Variants in ADAM29 observed in about 807,000 individuals in gnomAD.
ADAM29 encodes the protein disintegrin and metalloproteinase domain-containing protein 29.
For missense variants in ADAM29, 969 were observed against 1,001.8 expected, an observed-to-expected ratio of 0.97 and a Z score of 0.44; for synonymous variants, 367 against 342.3, an observed-to-expected ratio of 1.07 and a Z score of -0.80.
intron 4 of ADAM29, among the ~76,000 whole-genome samples, chr4:174,972,130 A>T (rs1746511059): frequency 1.3e-5 from 2 of 152,102 alleles, no homozygotes; most frequent in African/African-American, 4.8e-5. Flanking sequence ...TCTTTATATC[A>T]TATTTTGCAT....
At chr4:174,941,154 T>G (rs552664435) in intron 4 of ADAM29, among the ~76,000 whole-genome samples, 1 of 152,310 alleles carries the variant, frequency 6.6e-6, no homozygotes, top group African/African-American at 2.4e-5. Context: ...AATTTCAAAT[T>G]ATTTAATTTC....
chr4:174,919,435 C>T (rs969226999), intron 1 of ADAM29, among the ~76,000 whole-genome samples: 7 of 152,094 alleles, frequency 4.6e-5, no homozygotes, highest in Non-Finnish European at 8.8e-5. Flanking sequence ...TTTATCACAC[C>T]ACAGTTTCTG....
At chr4:174,945,125 T>A (rs540892940) in intron 4 of ADAM29, among the ~76,000 whole-genome samples, 17 of 152,186 alleles carry the variant, frequency 1.1e-4, no homozygotes, top group Non-Finnish European at 2.5e-4. Flanking sequence ...TAGACCTGTA[T>A]AAGCATTCCC....
At chr4:174,956,365 TATTC>T (rs1299325311) in intron 4 of ADAM29, among the ~76,000 whole-genome samples, 2 of 152,004 alleles carry the variant, frequency 1.3e-5, no homozygotes, top group East Asian at 3.9e-4. Context: ...TTTTAGTAAA[TATTC>T]ATTCAAAATT....
intron 4 of ADAM29, among the ~76,000 whole-genome samples, chr4:174,939,473 A>G (rs1160795496): frequency 6.6e-6 from 1 of 152,204 alleles, no homozygotes; most frequent in East Asian, 1.9e-4. Context: ...TTAATATTTC[A>G]AGTATAGATT....
Position 174,976,184 on chromosome 4 carries a change from A to C in ADAM29, c.659A>C (p.Lys220Thr). 6.2e-7 allele frequency: 1 copy of C among 1,610,060 alleles called. No individual in the cohort carries two copies. The highest frequency in any genetic ancestry group is 8.5e-7 in the Non-Finnish European group (1 of 1,178,876). The stretch of plus-strand genomic sequence containing the variant: ...ATTCGTTATGAAAGGAACGACTCAA[A>C]GTTGCTGGAGGATCTATATGTTATT... ...LYIRYERNDS[K>T]LLEDLYVIVN... Residue 220 changes from lysine (K) to threonine (T), a missense_variant, in exon 5 of 5, where the codon AAG (lysine) becomes ACG (threonine). Transcript: ENST00000359240.
At chr4:174,922,827 T>C (rs773065199) in intron 2 of ADAM29, among the ~76,000 whole-genome samples, 1 of 152,094 alleles carries the variant, frequency 6.6e-6, no homozygotes, top group African/African-American at 2.4e-5. Flanking sequence ...TCTTTTAATA[T>C]AATCTTTGAA....
intron 2 of ADAM29, among the ~76,000 whole-genome samples, chr4:174,923,560 T>TATATAG (rs70947473): frequency 0.048 from 5,572 of 115,574 alleles, 358 homozygotes; most frequent in East Asian, 0.091. Flanking sequence ...TATATATATA[T>TATATAG]ACACACACAC....
At chr4:174,947,884 A>C (rs140080345) in intron 4 of ADAM29, among the ~76,000 whole-genome samples, 299 of 152,274 alleles carry the variant, frequency 2.0e-3, no homozygotes, top group African/African-American at 7.0e-3. Flanking sequence ...AAGTCTCTTC[A>C]TATTTTTGTC....
At chr4:174,954,829 T>C (rs985369596) in intron 4 of ADAM29, among the ~76,000 whole-genome samples, 5 of 152,194 alleles carry the variant, frequency 3.3e-5, no homozygotes, top group African/African-American at 4.8e-5. Flanking sequence ...TTGGATTAAA[T>C]GTAATCATTT....
chr4:174,959,457 CTG>C (rs34184384), intron 4 of ADAM29, among the ~76,000 whole-genome samples: 8,137 of 145,410 alleles, frequency 0.056, 307 homozygotes, highest in African/African-American at 0.11. Flanking sequence ...ATGAGAAAGA[CTG>C]TGTGTGTGTG....
intron 4 of ADAM29, among the ~76,000 whole-genome samples, chr4:174,960,825 T>C (rs778019532): frequency 6.6e-6 from 1 of 152,198 alleles, no homozygotes; most frequent in Non-Finnish European, 1.5e-5. Context: ...GTGTAACTTA[T>C]ACTATGTGCA....
rs1198012062 is a variant in ADAM29, at chr4:174,975,776, C to T, written c.251C>T (p.Thr84Ile). 2 of 1,614,122 alleles carry T rather than the reference C, an allele frequency of 1.2e-6. No homozygotes were observed. Among genetic ancestry groups the T allele is most frequent in the Non-Finnish European group, 1.7e-6 (2 of 1,180,024 alleles). ...FSKHLPVFTY[T>I]DQGAILEDQP... ...AAACACCTCCCTGTGTTCACCTACA[C>T]AGACCAGGGTGCTATCCTTGAGGAC... The change falls in exon 5 of 5, where the codon ACA becomes ATA. Residue 84 changes from threonine to isoleucine, a missense_variant. Coordinates refer to ENST00000359240, the MANE Select transcript of ADAM29 (RefSeq NM_014269.4).
intron 4 of ADAM29, among the ~76,000 whole-genome samples, chr4:174,959,704 C>T (rs995939442): frequency 6.6e-6 from 1 of 151,756 alleles, no homozygotes; most frequent in African/African-American, 2.4e-5. Flanking sequence ...CTTTGTACTT[C>T]AATTGGTAAA....
In ADAM29 at chr4:174,956,494, CTG is replaced by C. The variant is rs147629496; in HGVS notation, c.-180-18840_-180-18839del. On this transcript the variant is annotated intron_variant, in intron 4 of 4. Coordinates refer to ENST00000359240, the MANE Select transcript of ADAM29 (RefSeq NM_014269.4). ...AAAAAAGGTGTGTGTGTGTGTGTGT[CTG>C]TGTGTGTGTGTTTGTGAGAGAGAGA... 2.8e-3 allele frequency among the ~76,000 whole-genome samples: 424 copies of C among 149,072 alleles called. 1 individual carries two copies. Among genetic ancestry groups the C allele is most frequent in the African/African-American group, 9.7e-3 (394 of 40,640 alleles).
chr4:174,965,292 C>T (rs931967263), intron 4 of ADAM29, among the ~76,000 whole-genome samples: 6 of 152,020 alleles, frequency 3.9e-5, no homozygotes, highest in African/African-American at 1.5e-4. Context: ...ACAACCAGCT[C>T]TCATGAGAAA....
At chr4:174,965,484 C>CT (rs1553977726) in intron 4 of ADAM29, among the ~76,000 whole-genome samples, 42 of 147,102 alleles carry the variant, frequency 2.9e-4, no homozygotes, top group South Asian at 8.7e-4. Context: ...CTCTATCTAT[C>CT]ATCTATCTAT....
At chr4:174,955,262 C>A (rs577132825) in intron 4 of ADAM29, among the ~76,000 whole-genome samples, 1 of 151,876 alleles carries the variant, frequency 6.6e-6, no homozygotes, top group East Asian at 1.9e-4. Flanking sequence ...ATTGTCTGAT[C>A]AGGAAAGGAG....
At chr4:174,944,360 T>A (rs1215369462) in intron 4 of ADAM29, among the ~76,000 whole-genome samples, 3 of 152,200 alleles carry the variant, frequency 2.0e-5, no homozygotes, top group African/African-American at 4.8e-5. Context: ...TTTTGTAAAC[T>A]AATAAAATCA....
Sources: gnomAD v4.1 joint callset for allele counts (sites outside exome capture counted in the v4.1 genomes callset) on GRCh38, gnomAD v4.1.1 for gene constraint, MANE v1.5 for transcripts, NCBI Gene and HGNC (gene_info 2026-07-23, HGNC 2026-07-21) for gene names.